The following EXOC4 variants were observed in gnomAD, a reference collection of about 807,000 sequenced individuals.
EXOC4 encodes the protein SEC8-like 1.
Under a neutral mutation model 107.2 loss-of-function variants are expected in EXOC4, and 71 were observed. The observed-to-expected ratio is 0.66, with a 90% CI of 0.55 to 0.81. The LOEUF (loss-of-function observed/expected upper bound fraction) is 0.81, where lower values mean the gene tolerates loss of function less well. Ranked by LOEUF, EXOC4 falls within the 30% of genes least tolerant of loss-of-function variation. The probability of loss-of-function intolerance (pLI) is 0.00; values close to 1 mark genes in which losing one functional copy is unlikely to be tolerated. For missense variants in EXOC4, 1,108 were observed against 1,189.6 expected, an observed-to-expected ratio of 0.93 and a Z score of 1.01; for synonymous variants, 456 against 441.2, an observed-to-expected ratio of 1.03 and a Z score of -0.42.
At chr7:133,684,884 A>T (rs1477575221) in intron 10 of EXOC4, among the ~76,000 whole-genome samples, 1 of 152,098 alleles carries the variant, frequency 6.6e-6, no homozygotes, top group Non-Finnish European at 1.5e-5. Flanking sequence ...GGGGATGGAG[A>T]ATTGAAACCT....
In EXOC4 at chr7:134,004,577, C is replaced by T. The variant is rs73156977; in HGVS notation, c.2349-335C>T. ...CCTGGCATTGAAGAGAATTTTAGAA[C>T]TCCTTCCCAACACTGTATAGATTAA... On this transcript the variant is annotated intron_variant, in intron 15 of 17. Transcript: ENST00000253861. Among the ~76,000 whole-genome samples, 740 of 152,294 alleles carry T rather than the reference C, an allele frequency of 4.9e-3. 2 individuals carry two copies. Among genetic ancestry groups the T allele is most frequent in the Non-Finnish European group, 7.8e-3 (531 of 68,022 alleles).
chr7:133,847,021 A>T (rs938708865), intron 11 of EXOC4, among the ~76,000 whole-genome samples: 7 of 152,176 alleles, frequency 4.6e-5, no homozygotes, highest in African/African-American at 9.7e-5. Context: ...ACTTAAAAAA[A>T]TTTTTATTTA....
chr7:134,010,034 G>GT (rs1794728825), intron 17 of EXOC4: 1 of 148,010 alleles, frequency 6.8e-6, no homozygotes, highest in South Asian at 2.2e-4. Flanking sequence ...CTTGGGACAT[G>GT]TATTGCTACT....
chr7:133,588,211 G>T (rs749707760), intron 9 of EXOC4, among the ~76,000 whole-genome samples: 12 of 152,070 alleles, frequency 7.9e-5, no homozygotes, highest in Admixed American at 1.3e-4. Context: ...TTAGGAACTG[G>T]GCCATGTGGC....
chr7:133,777,295 G>GAAAGAGAA (rs1562992940), intron 10 of EXOC4, among the ~76,000 whole-genome samples: 1 of 4,846 alleles, frequency 2.1e-4, no homozygotes, highest in Non-Finnish European at 4.9e-4. Flanking sequence ...GAGAGAGAGA[G>GAAAGAGAA]AGAGAGAGAG....
chr7:133,815,404 A>C (rs922384359), intron 10 of EXOC4, among the ~76,000 whole-genome samples: 3 of 151,528 alleles, frequency 2.0e-5, no homozygotes, highest in African/African-American at 7.3e-5. Context: ...AAAACAAAAA[A>C]CTCTATTCCT....
At chr7:133,792,362 G>A (rs1043692419) in intron 10 of EXOC4, among the ~76,000 whole-genome samples, 2 of 151,980 alleles carry the variant, frequency 1.3e-5, no homozygotes, top group Non-Finnish European at 1.5e-5. Context: ...AGATCAGCCT[G>A]AGCAATGTAG....
At chr7:133,640,005 C>A (rs568792542) in intron 10 of EXOC4, among the ~76,000 whole-genome samples, 1 of 151,980 alleles carries the variant, frequency 6.6e-6, no homozygotes, top group African/African-American at 2.4e-5. Flanking sequence ...TTTTAAAAAT[C>A]TTTTAAAATT....
chr7:133,345,420 C>T (rs1795761753), intron 5 of EXOC4, among the ~76,000 whole-genome samples: 1 of 152,116 alleles, frequency 6.6e-6, no homozygotes, highest in Non-Finnish European at 1.5e-5. Flanking sequence ...CAACCTAAAA[C>T]ATTTTAGTGA....
chr7:133,665,900 A>C (rs958650887), intron 10 of EXOC4, among the ~76,000 whole-genome samples: 8 of 152,176 alleles, frequency 5.3e-5, no homozygotes, highest in African/African-American at 1.9e-4. Flanking sequence ...CTAAGAACAA[A>C]AGAGTTTCAA....
chr7:133,523,531 C>T (rs1190305507), intron 9 of EXOC4, among the ~76,000 whole-genome samples: 3 of 151,066 alleles, frequency 2.0e-5, no homozygotes, highest in East Asian at 2.0e-4. Flanking sequence ...CATGCTGGTG[C>T]GCTGCACCCA....
the EXOC4 span, among the ~76,000 whole-genome samples, chr7:134,072,952 C>A: frequency 2.6e-5 from 4 of 151,886 alleles, no homozygotes; most frequent in African/African-American, 9.7e-5. Flanking sequence ...TGCCTGTAAT[C>A]CTGGCACTTT....
intron 14 of EXOC4, among the ~76,000 whole-genome samples, chr7:133,978,766 G>C (rs1214006794): frequency 1.3e-5 from 2 of 152,196 alleles, no homozygotes; most frequent in South Asian, 2.1e-4. Context: ...TTTGCCAGCT[G>C]CCTGAGCATC....
At chr7:133,391,598 T>G (rs1796855115) in intron 7 of EXOC4, among the ~76,000 whole-genome samples, 1 of 152,162 alleles carries the variant, frequency 6.6e-6, no homozygotes, top group Admixed American at 6.5e-5. Context: ...GTGGCATGTT[T>G]AGGAATGAGC....
chr7:133,630,221 A>G (rs1802557136), intron 10 of EXOC4, 80 bp downstream of exon 10: 1 of 1,076,458 alleles, frequency 9.3e-7, no homozygotes, highest in African/African-American at 1.6e-5. Flanking sequence ...CCAGTTGTTG[A>G]GTCAGCACTG....
intron 17 of EXOC4, among the ~76,000 whole-genome samples, chr7:134,020,145 T>C (rs1794997017): frequency 6.6e-6 from 1 of 152,180 alleles, no homozygotes; most frequent in Non-Finnish European, 1.5e-5. Context: ...TTTAAGACAA[T>C]AAGCAGCTAA....
intron 13 of EXOC4, among the ~76,000 whole-genome samples, chr7:133,930,949 T>C (rs1800162405): frequency 6.6e-6 from 1 of 151,348 alleles, no homozygotes; most frequent in Admixed American, 6.6e-5. Context: ...CTATTTTTAG[T>C]TACTACTTCA....
intron 10 of EXOC4, among the ~76,000 whole-genome samples, chr7:133,794,765 C>T (rs1032285272): frequency 2.6e-5 from 4 of 152,006 alleles, no homozygotes; most frequent in African/African-American, 9.7e-5. Context: ...TGAGCATCTC[C>T]CAATCAAATC....
chr7:133,504,793 A>G (rs1799637745), intron 9 of EXOC4, among the ~76,000 whole-genome samples: 1 of 151,834 alleles, frequency 6.6e-6, no homozygotes, highest in Admixed American at 6.6e-5. Flanking sequence ...AGTCTCTGGG[A>G]CTCTTTTCCA....
Sources: allele counts gnomAD v4.1 joint callset (sites outside exome capture counted in the v4.1 genomes callset), GRCh38; gene constraint gnomAD v4.1.1; transcripts MANE v1.5; gene names NCBI Gene and HGNC (gene_info 2026-07-23, HGNC 2026-07-21).